MARCHF1: variants seen among roughly 807,000 people sequenced by gnomAD.
MARCHF1 encodes membrane associated ring-CH-type finger 1.
Under a neutral mutation model 54.2 loss-of-function variants are expected in MARCHF1, and 40 were observed. The observed-to-expected ratio is 0.74, with a 90% CI of 0.57 to 0.96. The LOEUF (loss-of-function observed/expected upper bound fraction) is 0.96. Ranked by LOEUF, MARCHF1 falls within the 40% of genes least tolerant of loss-of-function variation. The pLI, the probability that MARCHF1 is intolerant of heterozygous loss-of-function variation, is 0.00. For missense variants in MARCHF1, 586 were observed against 656.5 expected (o/e 0.89, Z 1.17); for synonymous variants, 236 against 236.3 (o/e 1.00, Z 0.01).
At chr4:163,611,627 G>A (rs1252856366) in intron 7 of MARCHF1, among the ~76,000 whole-genome samples, 5 of 151,920 alleles carry the variant, frequency 3.3e-5, no homozygotes, top group African/African-American at 1.2e-4. Context: ...ATATGCTGTT[G>A]AGTTAAAAAG....
At chr4:163,676,185 C>CAAAAAAAAAAAAAAAAAA (rs869219643) in intron 5 of MARCHF1, among the ~76,000 whole-genome samples, 1 of 89,268 alleles carries the variant, frequency 1.1e-5, no homozygotes. Flanking sequence ...ACTAAAAATA[C>CAAAAAAAAAAAAAAAAAA]AAAAAAAAAA....
intron 4 of MARCHF1, among the ~76,000 whole-genome samples, chr4:163,834,247 C>A (rs947703528): frequency 6.7e-6 from 1 of 149,968 alleles, no homozygotes; most frequent in Admixed American, 6.6e-5. Context: ...AGGAGACTAG[C>A]AGCAGGAATT....
At chr4:164,200,248 T>G (rs72987748) in intron 1 of MARCHF1, among the ~76,000 whole-genome samples, 1,890 of 152,320 alleles carry the variant, frequency 0.012, 41 homozygotes, top group African/African-American at 0.044. Flanking sequence ...TTATATTATT[T>G]ACTGGCAAGA....
chr4:163,591,067 GATT>G (rs1026077661), intron 7 of MARCHF1, among the ~76,000 whole-genome samples: 4 of 150,464 alleles, frequency 2.7e-5, no homozygotes, highest in Non-Finnish European at 5.9e-5. Context: ...TATTTCATAT[GATT>G]ATTAATTAAT....
intron 1 of MARCHF1, among the ~76,000 whole-genome samples, chr4:164,252,013 C>A (rs1319678122): frequency 1.3e-5 from 2 of 152,014 alleles, no homozygotes; most frequent in African/African-American, 2.4e-5. Context: ...GAGAAAATCT[C>A]TGAAATTACT....
At chr4:164,253,192 T>C (rs1733174977) in intron 1 of MARCHF1, among the ~76,000 whole-genome samples, 1 of 152,120 alleles carries the variant, frequency 6.6e-6, no homozygotes, top group South Asian at 2.1e-4. Flanking sequence ...CAAAATGAAA[T>C]TCAAAAATGA....
intron 2 of MARCHF1, among the ~76,000 whole-genome samples, chr4:164,079,460 A>G (rs999505782): frequency 1.3e-5 from 2 of 152,192 alleles, no homozygotes; most frequent in Admixed American, 6.5e-5. Flanking sequence ...CAATGTTAAT[A>G]AATATGTGCA....
chr4:163,910,254 CATA>C (rs1325766866), intron 3 of MARCHF1, among the ~76,000 whole-genome samples: 2 of 152,136 alleles, frequency 1.3e-5, no homozygotes, highest in African/African-American at 4.8e-5. Flanking sequence ...TGATCTCTTT[CATA>C]ATGATTCCAC....
chr4:163,984,283 G>C (rs1213231811), intron 3 of MARCHF1, among the ~76,000 whole-genome samples: 1 of 152,134 alleles, frequency 6.6e-6, no homozygotes, highest in Non-Finnish European at 1.5e-5. Flanking sequence ...CAAAATAATG[G>C]CAGCAGTAAA....
chr4:163,848,778 G>C (rs933527515), intron 4 of MARCHF1, among the ~76,000 whole-genome samples: 1 of 152,006 alleles, frequency 6.6e-6, no homozygotes, highest in Non-Finnish European at 1.5e-5. Flanking sequence ...ACCCCTCAAG[G>C]TTATTATTCA....
intron 2 of MARCHF1, among the ~76,000 whole-genome samples, chr4:164,091,459 G>T (rs1261320215): frequency 7.0e-6 from 1 of 143,598 alleles, no homozygotes; most frequent in African/African-American, 2.6e-5. Flanking sequence ...CAGTTAATAT[G>T]TACAATGTGT....
intron 1 of MARCHF1, among the ~76,000 whole-genome samples, chr4:164,310,260 TAG>T: frequency 6.6e-6 from 1 of 151,930 alleles, no homozygotes; most frequent in African/African-American, 2.4e-5. Context: ...GTATTTTTAG[TAG>T]AGACAGGGTT....
At chr4:164,059,054 T>G (rs1754556059) in intron 2 of MARCHF1, among the ~76,000 whole-genome samples, 1 of 152,180 alleles carries the variant, frequency 6.6e-6, no homozygotes, top group African/African-American at 2.4e-5. Context: ...GGATAAGAAT[T>G]CTTTGTTGAT....
At chr4:163,607,827 G>A (rs1477430105) in intron 7 of MARCHF1, among the ~76,000 whole-genome samples, 1 of 152,024 alleles carries the variant, frequency 6.6e-6, no homozygotes, top group Non-Finnish European at 1.5e-5. Context: ...ACAAGTTAAT[G>A]AGCCTAACCC....
intron 1 of MARCHF1, among the ~76,000 whole-genome samples, chr4:164,334,572 C>T (rs4691966): frequency 0.42 from 63,771 of 151,796 alleles, 14,030 homozygotes; most frequent in Non-Finnish European, 0.49. Context: ...ACAATGCACC[C>T]GATCACCAAG....
chr4:163,807,870 T>C (rs1748270181), intron 4 of MARCHF1, among the ~76,000 whole-genome samples: 2 of 152,122 alleles, frequency 1.3e-5, no homozygotes, highest in Non-Finnish European at 2.9e-5. Flanking sequence ...CTCCAAGAAG[T>C]GTTAATTACC....
At chr4:163,835,512 G>T (rs1472462361) in intron 4 of MARCHF1, among the ~76,000 whole-genome samples, 1 of 152,144 alleles carries the variant, frequency 6.6e-6, no homozygotes, top group Non-Finnish European at 1.5e-5. Context: ...CCAATATTTC[G>T]AATTGTGTTC....
At chr4:163,724,864 G>A (rs1579230740) in intron 4 of MARCHF1, among the ~76,000 whole-genome samples, 1 of 152,150 alleles carries the variant, frequency 6.6e-6, no homozygotes, top group Non-Finnish European at 1.5e-5. Flanking sequence ...GAAAAGCGCA[G>A]TATTAGGGTG....
At chr4:163,655,893 A>G (rs1013602507) in intron 5 of MARCHF1, among the ~76,000 whole-genome samples, 2 of 152,050 alleles carry the variant, frequency 1.3e-5, no homozygotes, top group African/African-American at 4.8e-5. Flanking sequence ...GATCTCTGGA[A>G]TGCAGCTAAA....
Sources: allele counts gnomAD v4.1 joint callset (sites outside exome capture counted in the v4.1 genomes callset), GRCh38; gene constraint gnomAD v4.1.1; transcripts MANE v1.5; gene names NCBI Gene and HGNC (gene_info 2026-07-23, HGNC 2026-07-21).